The following BAZ2B variants were observed in gnomAD, a reference collection of about 807,000 sequenced individuals.
BAZ2B encodes bromodomain adjacent to zinc finger domain 2B, also known as bromodomain adjacent to zinc finger domain protein 2B.
BAZ2B carries 91 observed loss-of-function variants against 246.0 expected under a neutral mutation model. That is an observed-to-expected ratio of 0.37 (90% confidence interval 0.31 to 0.44). The LOEUF (loss-of-function observed/expected upper bound fraction) is 0.44, where lower values mean the gene tolerates loss of function less well. BAZ2B is among the 20% of genes least tolerant of loss of function. The probability of loss-of-function intolerance (pLI) is 1.00; values close to 1 mark genes in which losing one functional copy is unlikely to be tolerated. For synonymous variants in BAZ2B, 855 were observed against 860.0 expected (o/e 0.99, Z 0.10); for missense variants, 2,332 against 2,533.7 (o/e 0.92, Z 1.71).
the BAZ2B span, among the ~76,000 whole-genome samples, chr2:159,674,049 A>G: frequency 6.6e-6 from 1 of 152,278 alleles, no homozygotes; most frequent in East Asian, 1.9e-4. Flanking sequence ...TTTTAATTTA[A>G]AAGAACAGGC....
At chr2:159,315,387 T>C (rs1127619), downstream of BAZ2B, among the ~76,000 whole-genome samples, 2 of 152,212 alleles carry the variant, frequency 1.3e-5, no homozygotes, top group Non-Finnish European at 2.9e-5. Flanking sequence ...CTTAGCTGGA[T>C]AGTTCTGGCT....
At chr2:159,386,231 T>G (rs2062640708) in intron 22 of BAZ2B, 122 bp downstream of exon 22, 1 of 1,129,578 alleles carries the variant, frequency 8.9e-7, no homozygotes, top group Admixed American at 3.0e-5. Context: ...ACAGTTAACT[T>G]TGTGAGACAT....
chr2:159,512,785 C>T (rs2083064475), intron 2 of BAZ2B, among the ~76,000 whole-genome samples: 1 of 152,102 alleles, frequency 6.6e-6, no homozygotes, highest in Non-Finnish European at 1.5e-5. Flanking sequence ...TAATAGGTAA[C>T]TATACTGAAA....
At chr2:159,462,929 C>T in intron 3 of BAZ2B, 9 of 1,409,574 alleles carry the variant, frequency 6.4e-6, no homozygotes, top group South Asian at 1.2e-5. Flanking sequence ...CTTGTTTTGG[C>T]TGGGGGTCAC....
At position 159,446,850 on chromosome 2, in the gene BAZ2B, G is replaced by C; in HGVS notation, c.628C>G (p.Arg210Gly). The change falls in exon 6 of 37, where the codon CGA (arginine) becomes GGA (glycine). Residue 210 changes from arginine to glycine, a missense_variant. Physicochemically the swap from Arg to Gly is moderately radical, Grantham distance 125. Coordinates refer to ENST00000392783, the MANE Select transcript of BAZ2B (RefSeq NM_013450.4). ...TTGCTTTGTTCCTGATTACATTTTC[G>C]ATTTCCTCCACCTGAGCTTGTACTT... ...TKSTSSGGGN[R>G]KCNQEQSKNQ... 1.2e-6 allele frequency: 2 copies of C among 1,613,346 alleles called. No homozygotes were observed. The highest frequency in any genetic ancestry group is 1.7e-6 in the Non-Finnish European group (2 of 1,179,686).
the BAZ2B span, among the ~76,000 whole-genome samples, chr2:159,648,397 C>A: frequency 6.6e-6 from 1 of 152,130 alleles, no homozygotes; most frequent in Non-Finnish European, 1.5e-5. Flanking sequence ...CTCAGCCTCC[C>A]AAAGTGCTGG....
chr2:159,363,311 A>G (rs10171828), intron 27 of BAZ2B, among the ~76,000 whole-genome samples: 148,985 of 152,266 alleles, frequency 0.98, 72,960 homozygotes, highest in Middle Eastern at 1. Context: ...TAGTTACTCT[A>G]ACACACTCTG....
chr2:159,419,708 C>T (rs1576807853), intron 13 of BAZ2B: 1 of 152,168 alleles, frequency 6.6e-6, no homozygotes, highest in South Asian at 2.1e-4. Flanking sequence ...TTCAATATCT[C>T]CTCCTTCTAT....
Position 159,462,864 on chromosome 2 carries a change from T to G in BAZ2B, c.146-9063A>C, listed in dbSNP as rs960530718. ...GCCGTTGGAATAATGGTCTTTCACATAGGCTCTTAAAGCACTGTCACAGGA... is the reference window on the plus strand; with the variant it reads ...GCCGTTGGAATAATGGTCTTTCACAGAGGCTCTTAAAGCACTGTCACAGGA... On this transcript the variant is annotated intron_variant, in intron 3 of 36. Coordinates refer to ENST00000392783, the MANE Select transcript of BAZ2B (RefSeq NM_013450.4). 111 of 1,602,270 alleles carry G rather than the reference T, an allele frequency of 6.9e-5. 1 individual carries two copies. The African/African-American group carries it at 1.2e-3, about 18-fold the overall frequency.
At position 159,607,193 on chromosome 2, in the gene BAZ2B, T is replaced by C. The variant is rs1422918100; in HGVS notation, c.-46+9049A>G. 2.6e-5 allele frequency among the ~76,000 whole-genome samples: 4 copies of C among 152,212 alleles called. No homozygotes were observed. The South Asian group carries it at 6.2e-4, about 24-fold the overall frequency. ...TTATGGATATGCCCGTTACTGGCAG[T>C]CCAGCAGTCTGCTTGTCTTCTGCAT... On this transcript the variant is annotated intron_variant, in intron 1 of 36. Coordinates refer to ENST00000392783, the MANE Select transcript of BAZ2B (RefSeq NM_013450.4).
chr2:159,336,973 G>C lies in BAZ2B; in HGVS notation c.5765C>G (p.Ser1922Ter), dbSNP rs1290344647. The C allele has an allele frequency of 6.2e-7, 1 of 1,608,660 alleles. No individual in the cohort carries two copies. The highest frequency in any genetic ancestry group is 8.5e-7 in the Non-Finnish European group (1 of 1,176,020). ...CATAATTGATTTTTCCCATGCTATTGATTTCTGTAATTGCTGAATGCACAG... is the reference window on the plus strand; with the variant it reads ...CATAATTGATTTTTCCCATGCTATTCATTTCTGTAATTGCTGAATGCACAG... Reference protein sequence around the residue: ...VALCIQQLQKSIAWEKSIMKV... With the variant: ...VALCIQQLQK Residue 1922 changes from serine (S) to a stop codon, truncating the protein, a stop_gained, in exon 33 of 37, where the codon TCA becomes TGA. Coordinates refer to ENST00000392783, the MANE Select transcript of BAZ2B (RefSeq NM_013450.4). LOFTEE classifies it high-confidence loss of function.
chr2:159,675,750 C>CT, the BAZ2B span, among the ~76,000 whole-genome samples: 6 of 151,286 alleles, frequency 4.0e-5, no homozygotes, highest in East Asian at 1.9e-4. Context: ...ACCTTTGTTT[C>CT]TTTTTTTTTG....
At chr2:159,576,063 A>G (rs983284670) in intron 1 of BAZ2B, among the ~76,000 whole-genome samples, 1 of 152,206 alleles carries the variant, frequency 6.6e-6, no homozygotes, top group African/African-American at 2.4e-5. Flanking sequence ...CATTACTAAG[A>G]ATATAAATTA....
chr2:159,606,463 A>T (rs1693525086), intron 1 of BAZ2B, among the ~76,000 whole-genome samples: 1 of 152,218 alleles, frequency 6.6e-6, no homozygotes, highest in East Asian at 1.9e-4. Flanking sequence ...TTCCTATGTC[A>T]TCACAATGGT....
chr2:159,689,882 T>C, the BAZ2B span: 5 of 413,116 alleles, frequency 1.2e-5, no homozygotes, highest in East Asian at 4.9e-5. Context: ...CCATATCTGA[T>C]TGTTGTGTAT....
At chr2:159,462,337 T>C (rs549754498) in intron 3 of BAZ2B, 5 of 939,088 alleles carry the variant, frequency 5.3e-6, no homozygotes, top group African/African-American at 5.0e-5. Context: ...ATTTATCATA[T>C]GACCACATGT....
the BAZ2B span, among the ~76,000 whole-genome samples, chr2:159,675,888 C>T: frequency 6.7e-6 from 1 of 149,834 alleles, no homozygotes; most frequent in Admixed American, 6.7e-5. Flanking sequence ...TACAGGCGCA[C>T]CCCCTACGTT....
At chr2:159,462,125 A>G (rs1443924506) in intron 3 of BAZ2B, 3 of 310,580 alleles carry the variant, frequency 9.7e-6, no homozygotes, top group Non-Finnish European at 1.8e-5. Context: ...TGTCTCTAGG[A>G]TAGATCTCTC....
chr2:159,712,275 AGCTGCCGGCACGCCGGCCAGCCAGCC>A, the BAZ2B span: 1 of 152,122 alleles, frequency 6.6e-6, no homozygotes, highest in Non-Finnish European at 1.5e-5. Context: ...TCGCCAGCCC[AGCTGCCGGCACGCCGGCCAGCCAGCC>A]GCTGCCGCTT....
Sources: allele counts gnomAD v4.1 joint callset (sites outside exome capture counted in the v4.1 genomes callset), GRCh38; gene constraint gnomAD v4.1.1; transcripts MANE v1.5; gene names NCBI Gene and HGNC (gene_info 2026-07-23, HGNC 2026-07-21).